Variants in ANK3 observed in about 807,000 individuals in gnomAD.
The protein encoded by ANK3 is ankyrin-3.
ANK3 carries 57 observed loss-of-function variants against 370.9 expected under a neutral mutation model. The ratio of observed to expected loss-of-function variants is 0.15; its 90% CI spans 0.12 to 0.19. The LOEUF is 0.19. ANK3 is among the 10% of genes least tolerant of loss of function. The probability of loss-of-function intolerance (pLI) is 1.00; values close to 1 mark genes in which losing one functional copy is unlikely to be tolerated. For missense variants in ANK3, 4,439 were observed against 5,302.1 expected, an observed-to-expected ratio of 0.84 and a Z score of 5.06; for synonymous variants, 1,929 against 1,946.3, an observed-to-expected ratio of 0.99 and a Z score of 0.23.
intron 7 of ANK3, among the ~76,000 whole-genome samples, chr10:60,242,072 T>A (rs895594162): frequency 6.6e-6 from 1 of 152,226 alleles, no homozygotes; most frequent in East Asian, 1.9e-4. Flanking sequence ...AGCCCTTTTT[T>A]CTTTTGTAGT....
intron 1 of ANK3, among the ~76,000 whole-genome samples, chr10:60,730,446 C>T (rs2080005942): frequency 6.6e-6 from 1 of 152,148 alleles, no homozygotes; most frequent in African/African-American, 2.4e-5. Flanking sequence ...GCATAAACCA[C>T]CATGCCTGCT....
chr10:60,117,259 G>A (rs1025461938), intron 25 of ANK3, among the ~76,000 whole-genome samples: 2 of 152,112 alleles, frequency 1.3e-5, no homozygotes, highest in Non-Finnish European at 2.9e-5. Context: ...CAACACAAGA[G>A]AAAACAAAGG....
At chr10:60,576,159 G>A (rs1326800073) in intron 2 of ANK3, among the ~76,000 whole-genome samples, 3 of 152,158 alleles carry the variant, frequency 2.0e-5, no homozygotes, top group African/African-American at 7.2e-5. Context: ...TGGATGCAAA[G>A]CTCTATCAGT....
At position 60,335,538 on chromosome 10, in the gene ANK3, CA is replaced by C. The variant is rs1203108746; in HGVS notation, c.114+53886del. Among the ~76,000 whole-genome samples, 4 of 152,092 alleles carry C rather than the reference CA, an allele frequency of 2.6e-5. No individual in the cohort carries two copies. The East Asian group carries it at 5.8e-4, about 22-fold the overall frequency. ...TGGCCCACCTAAATTGCAGCCTTTACAAACAGCTGCAGAATAGCAAACCAGG... is the reference window on the plus strand; with the variant it reads ...TGGCCCACCTAAATTGCAGCCTTTACAACAGCTGCAGAATAGCAAACCAGG... On this transcript the variant is annotated intron_variant, in intron 1 of 43. Coordinates refer to ENST00000280772, the MANE Select transcript of ANK3 (RefSeq NM_020987.5).
At chr10:60,423,539 T>C (rs2063820081) in intron 2 of ANK3, among the ~76,000 whole-genome samples, 1 of 151,982 alleles carries the variant, frequency 6.6e-6, no homozygotes, top group South Asian at 2.1e-4. Context: ...TCACTCTTCA[T>C]TGCAATAACC....
intron 2 of ANK3, chr10:60,572,425 G>T: frequency 6.6e-7 from 1 of 1,526,328 alleles, no homozygotes; most frequent in Non-Finnish European, 8.8e-7. Context: ...CCCAGAGCCA[G>T]AGAACAATGA....
intron 2 of ANK3, among the ~76,000 whole-genome samples, chr10:60,466,503 A>G (rs1890927): frequency 0.23 from 35,060 of 152,084 alleles, 4,367 homozygotes; most frequent in East Asian, 0.47. Context: ...TTTGGAAAAC[A>G]GTCTGGAAGA....
intron 1 of ANK3, among the ~76,000 whole-genome samples, chr10:60,639,739 T>C (rs1406827912): frequency 2.0e-5 from 3 of 151,726 alleles, no homozygotes; most frequent in African/African-American, 7.3e-5. Flanking sequence ...AATAAGCTAA[T>C]AAATGAGATA....
chr10:60,079,161 C>T (rs1279138859), intron 36 of ANK3, among the ~76,000 whole-genome samples: 1 of 119,788 alleles, frequency 8.3e-6, no homozygotes, highest in African/African-American at 3.4e-5. Flanking sequence ...TGGAAACCAC[C>T]TAGCTACCTA....
At chr10:60,192,261 A>G (rs1378363302) in intron 16 of ANK3, among the ~76,000 whole-genome samples, 1 of 151,920 alleles carries the variant, frequency 6.6e-6, no homozygotes, top group East Asian at 1.9e-4. Context: ...ATATATATAC[A>G]TACATATAGT....
At chr10:60,217,204 C>A (rs769630498) in intron 8 of ANK3, among the ~76,000 whole-genome samples, 2 of 151,538 alleles carry the variant, frequency 1.3e-5, no homozygotes, top group Non-Finnish European at 2.9e-5. Flanking sequence ...TTAATTTTTT[C>A]AAAAAAACAG....
At chr10:60,290,627 T>C (rs1020839303) in intron 1 of ANK3, among the ~76,000 whole-genome samples, 1 of 152,198 alleles carries the variant, frequency 6.6e-6, no homozygotes, top group African/African-American at 2.4e-5. Flanking sequence ...TGCCTTTGCA[T>C]GGATTTTGCT....
In ANK3 at chr10:60,143,433, G is replaced by T. The variant is rs140578809; in HGVS notation, c.2615-4346C>A. Among the ~76,000 whole-genome samples the T allele has an allele frequency of 3.3e-3, 506 of 152,288 alleles. 3 individuals are homozygous for T. Among genetic ancestry groups the T allele is most frequent in the African/African-American group, 0.012 (485 of 41,562 alleles). On this transcript the variant is annotated intron_variant, in intron 23 of 43. Coordinates refer to ENST00000280772, the MANE Select transcript of ANK3 (RefSeq NM_020987.5). ...TGGCTAGTGGCAGCTTCTAACACGT[G>T]TGTATAAGCCAACCAAGGTAATTTA... is the stretch of plus-strand genomic sequence containing the variant.
At chr10:60,436,486 T>C (rs140812213) in intron 2 of ANK3, among the ~76,000 whole-genome samples, 105 of 152,338 alleles carry the variant, frequency 6.9e-4, no homozygotes, top group African/African-American at 2.3e-3. Flanking sequence ...TGTATGCCTT[T>C]TTTATAGTTA....
At chr10:60,180,586 C>T (rs1351385849) in intron 18 of ANK3, among the ~76,000 whole-genome samples, 3 of 70,516 alleles carry the variant, frequency 4.3e-5, no homozygotes, top group Admixed American at 2.9e-4. Flanking sequence ...CAGAGTGAGA[C>T]TCCGTCTCAA....
intron 2 of ANK3, among the ~76,000 whole-genome samples, chr10:60,459,573 T>C (rs1206584922): frequency 6.6e-6 from 1 of 152,192 alleles, no homozygotes; most frequent in African/African-American, 2.4e-5. Flanking sequence ...TGCTGATGCA[T>C]CATTCTAGGT....
chr10:60,321,552 C>CGCTAG (rs1566564752), intron 1 of ANK3, among the ~76,000 whole-genome samples: 2 of 152,202 alleles, frequency 1.3e-5, no homozygotes, highest in African/African-American at 4.8e-5. Flanking sequence ...GGCTTACTCT[C>CGCTAG]GCTAGGCATT....
At position 60,067,973 on chromosome 10, in the gene ANK3, A is replaced by G. The variant is rs748863853; in HGVS notation, c.12281T>C (p.Met4094Thr). ...QSPCERTDIR[M>T]AIVADHLGLS... ...TCCCAGGTGATCGGCTACTATTGCC[A>G]TCCTGATATCTGTCCGTTCACATGG... The change falls in exon 38 of 44, where the codon ATG (methionine) becomes ACG (threonine). Residue 4094 changes from methionine to threonine, a missense_variant. Physicochemically the swap from Met to Thr is moderately conservative, Grantham distance 81 (BLOSUM62 -1). Coordinates refer to ENST00000280772, the MANE Select transcript of ANK3 (RefSeq NM_020987.5). 6.3e-5 allele frequency: 101 copies of G among 1,610,752 alleles called. No homozygotes were observed. The highest frequency in any genetic ancestry group is 8.4e-5 in the Non-Finnish European group (99 of 1,177,306).
intron 8 of ANK3, among the ~76,000 whole-genome samples, chr10:60,217,870 T>A (rs1007990554): frequency 1.3e-5 from 2 of 152,158 alleles, no homozygotes; most frequent in African/African-American, 4.8e-5. Flanking sequence ...AGTCTCCCAC[T>A]ATTATGGTGT....
Sources: allele counts gnomAD v4.1 joint callset (sites outside exome capture counted in the v4.1 genomes callset), GRCh38; gene constraint gnomAD v4.1.1; transcripts MANE v1.5; gene names NCBI Gene and HGNC (gene_info 2026-07-23, HGNC 2026-07-21).